The following HDAC6 variants were observed in gnomAD, a reference collection of about 807,000 sequenced individuals.
The protein encoded by HDAC6 is histone deacetylase 6.
HDAC6 carries 5 observed loss-of-function variants against 88.9 expected under a neutral mutation model. That is an observed-to-expected ratio of 0.06 (90% CI 0.03 to 0.12). The LOEUF (loss-of-function observed/expected upper bound fraction) is 0.12. Ranked by LOEUF, HDAC6 falls within the 10% of genes least tolerant of loss-of-function variation. The probability of loss-of-function intolerance (pLI) is 1.00; values close to 1 mark genes in which losing one functional copy is unlikely to be tolerated. For synonymous variants in HDAC6, 378 were observed against 398.0 expected, an observed-to-expected ratio of 0.95 and a Z score of 0.60; for missense variants, 706 against 1,014.4, an observed-to-expected ratio of 0.70 and a Z score of 4.13.
chrX:48,818,280 G>A lies in HDAC6; in HGVS notation c.2055G>A (p.Glu685=), dbSNP rs143759049. ...GCACCTTCTTCCCCATGGGGGATGAGGGTGCCAGCAGCCAGATCGGCCGGG... is the reference window on the plus strand; with the variant it reads ...GCACCTTCTTCCCCATGGGGGATGAAGGTGCCAGCAGCCAGATCGGCCGGG... ...DHGTFFPMGD[E]GASSQIGRAA... is the part of the protein sequence containing the mutation. Residue 685 remains glutamate (E), a synonymous_variant, in exon 22 of 29, where the codon GAG becomes GAA. Transcript: ENST00000334136. 8 of 1,200,382 alleles carry A rather than the reference G, an allele frequency of 6.7e-6. No individual in the cohort carries two copies. In the African/African-American group the frequency reaches 1.4e-4, roughly 21 times the overall value.
In HDAC6 at chrX:48,815,972, C is replaced by T. The variant is rs1196884010; in HGVS notation, c.1413C>T (p.Ile471=). The T allele has an allele frequency of 8.3e-7, 1 of 1,208,866 alleles. No individual in the cohort carries two copies. Among genetic ancestry groups the T allele is most frequent in the African/African-American group, 1.8e-5 (1 of 57,086 alleles). Residue 471 remains isoleucine (I), a synonymous_variant, in exon 17 of 29, where the codon ATC becomes ATT. Transcript: ENST00000334136. Reference sequence around the variant, plus strand: ...CCTGGGAGCCCCCTGTGCTCCCAATCCTGACATGGCCAGTGCTACAGTCTC... The same window carrying T: ...CCTGGGAGCCCCCTGTGCTCCCAATTCTGACATGGCCAGTGCTACAGTCTC... ...EGPWEPPVLP[I]LTWPVLQSRT...
chrX:48,805,209 C>T (rs2147330635), intron 4 of HDAC6, among the ~76,000 whole-genome samples: 1 of 111,456 alleles, frequency 9.0e-6, no homozygotes, highest in South Asian at 3.7e-4. Flanking sequence ...TGGCGAGGGT[C>T]GAAGCAGGGA....
At chrX:48,816,306 G>A in intron 18 of HDAC6, 37 bp downstream of exon 18, 1 of 1,186,117 alleles carries the variant, frequency 8.4e-7, no homozygotes, top group Non-Finnish European at 1.1e-6. Flanking sequence ...GGATTCCCAG[G>A]ACTGTGGATG....
At chrX:48,820,333 C>T in intron 23 of HDAC6, 78 bp downstream of exon 23, 2 of 895,278 alleles carry the variant, frequency 2.2e-6, no homozygotes. Context: ...GGACAGTTTC[C>T]TGAAATCTCC....
At position 48,822,958 on chromosome X, in the gene HDAC6, G is replaced by A. The variant is rs781794737; in HGVS notation, c.2559G>A (p.Lys853=). The part of the protein sequence containing the change: ...EGPSSSKLVT[K]KAPQPAKPRL... ...CCTCCAGTTCTAAGTTGGTCACCAAGAAGGCACCCCAACCAGCCAAACCTA... is the reference window on the plus strand; with the variant it reads ...CCTCCAGTTCTAAGTTGGTCACCAAAAAGGCACCCCAACCAGCCAAACCTA... The change falls in exon 25 of 29, where the codon AAG becomes AAA. Residue 853 remains lysine (K), a synonymous_variant. Transcript: ENST00000334136. 2 of 1,205,673 alleles carry A rather than the reference G, an allele frequency of 1.7e-6. No homozygotes were observed. The highest frequency in any genetic ancestry group is 2.2e-6 in the Non-Finnish European group (2 of 892,198).
rs145349858 is a variant in HDAC6, at chrX:48,802,995, G to C, written c.218G>C (p.Gly73Ala). The C allele has an allele frequency of 1.5e-4, 180 of 1,209,149 alleles. No individual in the cohort carries two copies. The African/African-American group carries it at 2.7e-3, about 18-fold the overall frequency. The change falls in exon 3 of 29, where the codon GGG (glycine) becomes GCG (alanine). Residue 73 changes from glycine (G) to alanine (A), a missense_variant. Gly to Ala is a moderately conservative substitution (Grantham distance 60). Transcript: ENST00000334136. ...GAAGACCTAATCGTGGGACTGCAAGGGATGGTGAGCAGGGCCTGGCTGCAG... is the reference window on the plus strand; with the variant it reads ...GAAGACCTAATCGTGGGACTGCAAGCGATGGTGAGCAGGGCCTGGCTGCAG... ...MEEDLIVGLQGMDLNLEAEAL... is the reference protein window; with the variant it reads ...MEEDLIVGLQAMDLNLEAEAL...
intron 22 of HDAC6, 199 bp from the exon 23 acceptor site, chrX:48,819,907 G>T (rs782772892): frequency 7.8e-6 from 4 of 512,034 alleles, no homozygotes; most frequent in Non-Finnish European, 1.4e-5. Flanking sequence ...CTCTGAGTCT[G>T]TATTTCTTTT....
chrX:48,822,345 C>T (rs2063097366), intron 23 of HDAC6, among the ~76,000 whole-genome samples: 2 of 112,130 alleles, frequency 1.8e-5, no homozygotes, highest in East Asian at 5.6e-4. Flanking sequence ...GGGTCTGGCA[C>T]ACAGCAAACA....
intron 6 of HDAC6, 41 bp downstream of exon 6, chrX:48,805,712 C>T (rs1557024068): frequency 9.2e-7 from 1 of 1,091,473 alleles, no homozygotes; most frequent in Non-Finnish European, 1.2e-6. Context: ...GAGGAGCCTG[C>T]CCTGGACAAA....
rs201090076 is a variant in HDAC6, at chrX:48,814,583, C to T, written c.933+17C>T. ...TGGAACCAGGTCAGCATCTACCCAC[C>T]TCTGCCCCCAAAGTGAGGCCCAGCC... On this transcript the variant is annotated intron_variant, in intron 11 of 28. Transcript: ENST00000334136. 65 of 1,209,266 alleles carry T rather than the reference C, an allele frequency of 5.4e-5. No individual in the cohort carries two copies. Among genetic ancestry groups the T allele is most frequent in the Middle Eastern group, 2.3e-4 (1 of 4,366 alleles).
In HDAC6 at chrX:48,824,568, G is replaced by T; in HGVS notation, c.3604G>T (p.Ala1202Ser). The T allele has an allele frequency of 1.7e-6, 2 of 1,209,708 alleles. No homozygotes were observed. The highest frequency in any genetic ancestry group is 5.9e-5 in the East Asian group (2 of 33,781). Residue 1202 changes from alanine to serine, a missense_variant, in exon 29 of 29, where the codon GCC becomes TCC. Coordinates refer to ENST00000334136, the MANE Select transcript of HDAC6 (RefSeq NM_006044.4). ...GGCTCTCCTAGATGTGAAGAACATC[G>T]CCCACCAGAACAAGTTTGGGGAGGA... Reference protein sequence around the residue: ...HQALLDVKNIAHQNKFGEDMP... With the variant: ...HQALLDVKNISHQNKFGEDMP...
rs189690352 is a variant in HDAC6, at chrX:48,806,538, G to T, written c.535-71G>T. On this transcript the variant is annotated intron_variant, in intron 7 of 28. Coordinates refer to ENST00000334136, the MANE Select transcript of HDAC6 (RefSeq NM_006044.4). Reference sequence around the variant, plus strand: ...CCCATCCCTATGCCCACCCCACCCTGGGGGAAGCAGCTGAGTGGATAGGGC... The same window carrying T: ...CCCATCCCTATGCCCACCCCACCCTTGGGGAAGCAGCTGAGTGGATAGGGC... The T allele has an allele frequency of 2.8e-6, 3 of 1,065,742 alleles. No homozygotes were observed. The East Asian group carries it at 9.1e-5, about 32-fold the overall frequency. The allele number at this position is 1,065,742 out of a possible 1,213,427, so 87.8% of individuals were successfully genotyped here.
intron 10 of HDAC6, among the ~76,000 whole-genome samples, chrX:48,809,677 C>T (rs1557025411): frequency 9.1e-6 from 1 of 110,331 alleles, no homozygotes; most frequent in South Asian, 3.9e-4. Context: ...TGGCACACAC[C>T]TGTATTTCCA....
At chrX:48,817,829 A>G (rs2063013460) in intron 20 of HDAC6, 7 of 440,481 alleles carry the variant, frequency 1.6e-5, no homozygotes, top group South Asian at 1.4e-4. Flanking sequence ...TTCCCTAGCA[A>G]TGACCCAGAA....
In HDAC6 at chrX:48,816,058, C is replaced by A; in HGVS notation, c.1493+6C>A. ...CACTGCAACTTGTGGGACAGGTAGGCATTTGGAGGGCTGGATGAGTAGGTG... is the reference window on the plus strand; with the variant it reads ...CACTGCAACTTGTGGGACAGGTAGGAATTTGGAGGGCTGGATGAGTAGGTG... On this transcript the variant is annotated splice_donor_region_variant and intron_variant, in intron 17 of 28. Coordinates refer to ENST00000334136, the MANE Select transcript of HDAC6 (RefSeq NM_006044.4). 1 of 1,210,918 alleles carries A rather than the reference C, an allele frequency of 8.3e-7. No homozygotes were observed. The highest frequency in any genetic ancestry group is 1.1e-6 in the Non-Finnish European group (1 of 894,749).
chrX:48,801,432 G>T (rs1422388124), upstream of HDAC6: 2 of 119,295 alleles, frequency 1.7e-5, no homozygotes, highest in African/African-American at 6.4e-5. Flanking sequence ...CGGGGAAAAG[G>T]TAAGATGCCC....
intron 27 of HDAC6, 28 bp downstream of exon 27, chrX:48,824,096 G>A (rs782461740): frequency 3.2e-5 from 39 of 1,204,076 alleles, no homozygotes; most frequent in Middle Eastern, 2.3e-4. Flanking sequence ...GGGATGGGGC[G>A]GAGGTTGGCC....
chrX:48,815,026 G>A lies in HDAC6; in HGVS notation c.1124G>A (p.Gly375Glu). 8.3e-7 allele frequency: 1 copy of A among 1,201,048 alleles called. No individual in the cohort carries two copies. The highest frequency in any genetic ancestry group is 1.1e-6 in the Non-Finnish European group (1 of 889,488). ...QLTHLLMGLAGGKLILSLEGG... is the reference protein window; with the variant it reads ...QLTHLLMGLAEGKLILSLEGG... ...ACCCACCTGCTCATGGGTCTGGCAG[G>A]AGGCAAGCTGATCCTGTCTCTGGAG... The change falls in exon 14 of 29, where the codon GGA becomes GAA. Residue 375 changes from glycine to glutamate, a missense_variant. Gly to Glu is a moderately conservative substitution (Grantham distance 98, BLOSUM62 -2). Transcript: ENST00000334136.
rs781899448 is a variant in HDAC6 at position 48,803,181 on chromosome X, G to A, written c.276G>A (p.Glu92=). The A allele has an allele frequency of 8.3e-7, 1 of 1,209,903 alleles. No homozygotes were observed. The highest frequency in any genetic ancestry group is 1.7e-5 in the African/African-American group (1 of 57,652). Residue 92 remains glutamate, a synonymous_variant, in exon 4 of 29, where the codon GAG becomes GAA. Transcript: ENST00000334136. ...CTGGCACTGGCTTGGTGTTGGATGA[G>A]CAGTTAAATGAATTCCATTGCCTCT... ...ALAGTGLVLD[E]QLNEFHCLWD...
Sources: gnomAD v4.1 joint callset for allele counts (sites outside exome capture counted in the v4.1 genomes callset) on GRCh38, gnomAD v4.1.1 for gene constraint, MANE v1.5 for transcripts, NCBI Gene and HGNC (gene_info 2026-07-23, HGNC 2026-07-21) for gene names.